The following RGMB variants were observed in gnomAD, a reference collection of about 807,000 sequenced individuals.
RGMB encodes the protein repulsive guidance molecule BMP co-receptor b.
RGMB carries 16 observed loss-of-function variants against 26.9 expected under a neutral mutation model. That is an observed-to-expected ratio of 0.60 (90% CI 0.40 to 0.90). RGMB has a LOEUF of 0.90. Among genes scored for constraint, RGMB ranks in the 40% least tolerant of loss-of-function variants. The probability of loss-of-function intolerance (pLI) is 0.00; values close to 1 mark genes in which losing one functional copy is unlikely to be tolerated. For missense variants in RGMB, 512 were observed against 573.3 expected, an observed-to-expected ratio of 0.89 and a Z score of 1.09; for synonymous variants, 225 against 229.3, an observed-to-expected ratio of 0.98 and a Z score of 0.17.
chr5:98,789,608 C>G (rs2071428958), intron 2 of RGMB, among the ~76,000 whole-genome samples: 4 of 152,048 alleles, frequency 2.6e-5, no homozygotes, highest in Admixed American at 1.3e-4. Context: ...CTTTCTCTTC[C>G]TAATAAACCT....
chr5:98,774,259 C>G (rs1044617967), intron 1 of RGMB, 53 bp downstream of exon 1: 2 of 1,339,660 alleles, frequency 1.5e-6, no homozygotes, highest in Non-Finnish European at 1.9e-6. Context: ...GGCTTTGTTC[C>G]CAAATAGCCC....
chr5:98,793,960 T>G lies in RGMB; in HGVS notation c.*207T>G. On this transcript the variant is annotated 3_prime_UTR_variant, in exon 3 of 3. Transcript: ENST00000513185. Reference sequence around the variant, plus strand: ...GTAGTGTTCTTTGATTGTATCAATTTTGTTTTGCAGTTCTGTGAAATGTTT... The same window carrying G: ...GTAGTGTTCTTTGATTGTATCAATTGTGTTTTGCAGTTCTGTGAAATGTTT... The G allele has an allele frequency of 2.0e-6, 1 of 488,688 alleles. No individual in the cohort carries two copies. The highest frequency in any genetic ancestry group is 3.5e-6 in the Non-Finnish European group (1 of 282,208). 30.3% of individuals were successfully genotyped at this position (488,688 alleles called of 1,614,324 possible).
chr5:98,770,705 C>T (rs188168527), upstream of RGMB: 210 of 1,362,738 alleles, frequency 1.5e-4, no homozygotes, highest in African/African-American at 3.0e-3. Context: ...CTCAAGTCGC[C>T]CGCTTGGCCC....
rs904179001 is a variant in RGMB, at chr5:98,796,346, C to G, written c.*2593C>G. ...GTTATGCTTGGAAGCTCCCCCCCCC[C>G]CAACAGTGTGTCGAGTCTTTGCAAA... is the stretch of plus-strand genomic sequence containing the variant. On this transcript the variant is annotated 3_prime_UTR_variant, in exon 3 of 3. Transcript: ENST00000513185. 1.4e-5 allele frequency: 2 copies of G among 145,318 alleles called. 1 individual carries two copies. The highest frequency in any genetic ancestry group is 3.0e-5 in the Non-Finnish European group (2 of 66,156). 9.0% of individuals were successfully genotyped at this position (145,318 alleles called of 1,614,324 possible). A position where few individuals can be genotyped will look rare whatever the true frequency, so the allele number is the denominator to read the frequency against.
At chr5:98,786,945 C>T (rs1221945575) in intron 2 of RGMB, among the ~76,000 whole-genome samples, 1 of 152,160 alleles carries the variant, frequency 6.6e-6, no homozygotes, top group Non-Finnish European at 1.5e-5. Context: ...TGTTGGGACA[C>T]AGCATGTATA....
rs544116948 is a variant in RGMB, at chr5:98,774,087, C to T, written c.17C>T (p.Ala6Val). ...TGGACGGGCATGGGCTTGAGAGCAG[C>T]ACCTTCCAGCGCCGCCGCTGCCGCC... is the stretch of plus-strand genomic sequence containing the variant. The part of the protein sequence containing the change: MGLRA[A>V]PSSAAAAAAE... Residue 6 changes from alanine to valine, a missense_variant, in exon 1 of 3, where the codon GCA (alanine) becomes GTA (valine). By Grantham distance (64) the Ala-to-Val change is moderately conservative. Coordinates refer to ENST00000513185, the MANE Select transcript of RGMB (RefSeq NM_001366508.1). The T allele has an allele frequency of 7.8e-5, 88 of 1,129,002 alleles. No individual in the cohort carries two copies. In the African/African-American group the frequency reaches 1.3e-3, roughly 17 times the overall value. 69.9% of individuals were successfully genotyped at this position (1,129,002 alleles called of 1,614,324 possible).
rs1747016053 is a variant in RGMB at position 98,793,633 on chromosome 5, G to A, written c.1194G>A (p.Leu398=). ...AHSALEDVEA[L]HPRKERWHIF... is the part of the protein sequence containing the mutation. ...GTGCCTTGGAGGATGTGGAGGCCCTGCACCCAAGGAAGGAACGCTGGCACA... is the reference window on the plus strand; with the variant it reads ...GTGCCTTGGAGGATGTGGAGGCCCTACACCCAAGGAAGGAACGCTGGCACA... Residue 398 remains leucine (L), a synonymous_variant, in exon 3 of 3, where the codon CTG becomes CTA. Transcript: ENST00000513185. The A allele has an allele frequency of 6.2e-7, 1 of 1,613,914 alleles. No homozygotes were observed. The highest frequency in any genetic ancestry group is 1.7e-5 in the Admixed American group (1 of 60,010).
intron 1 of RGMB, among the ~76,000 whole-genome samples, chr5:98,777,338 C>T (rs1310514364): frequency 6.6e-6 from 1 of 152,234 alleles, no homozygotes; most frequent in Non-Finnish European, 1.5e-5. Flanking sequence ...GTCATTTATC[C>T]GTAGTCTTAA....
In RGMB at chr5:98,774,163, G is replaced by A; in HGVS notation, c.93G>A (p.Glu31=). The A allele has an allele frequency of 8.5e-7, 1 of 1,181,252 alleles. No individual in the cohort carries two copies. The highest frequency in any genetic ancestry group is 1.5e-5 in the South Asian group (1 of 64,932). The allele number at this position is 1,181,252 out of a possible 1,614,324, so 73.2% of individuals were successfully genotyped here. The stretch of plus-strand genomic sequence containing the variant: ...CCGGGCTCTGCCCCCCGCCGCTGGA[G>A]CTGCTGCTGCTGCTGCTGTTCAGCC... ...RSPGLCPPPL[E]LLLLLLFSLG... Residue 31 remains glutamate, a synonymous_variant, in exon 1 of 3, where the codon GAG becomes GAA. Coordinates refer to ENST00000513185, the MANE Select transcript of RGMB (RefSeq NM_001366508.1).
chr5:98,792,915 T>C, intron 2 of RGMB, 170 bp from the exon 3 acceptor site: 1 of 543,016 alleles, frequency 1.8e-6, no homozygotes, highest in Non-Finnish European at 3.2e-6. Flanking sequence ...CTTTAAAAAA[T>C]ATTTTCTGAA....
intron 2 of RGMB, chr5:98,780,998 C>G (rs56703356): frequency 6.6e-6 from 1 of 152,144 alleles, no homozygotes; most frequent in Non-Finnish European, 1.5e-5. Flanking sequence ...CACACATAGA[C>G]CATCTCATCT....
upstream of RGMB, chr5:98,770,677 A>C (rs758947840): frequency 2.7e-6 from 4 of 1,461,332 alleles, no homozygotes; most frequent in Non-Finnish European, 3.6e-6. Context: ...GAATGATGTA[A>C]GTACAGGCAC....
At chr5:98,773,660 C>A (rs956324703), upstream of RGMB, 10 of 340,910 alleles carry the variant, frequency 2.9e-5, no homozygotes, top group East Asian at 9.0e-5. Flanking sequence ...CGGGGGCTGC[C>A]GCGCAGAGAT....
At chr5:98,783,686 T>A (rs185721281) in intron 2 of RGMB, among the ~76,000 whole-genome samples, 75 of 152,348 alleles carry the variant, frequency 4.9e-4, no homozygotes, top group Middle Eastern at 6.8e-3. Flanking sequence ...AGAAGGTGAT[T>A]GGGGAATAAA....
Position 98,793,406 on chromosome 5 carries a change from G to A in RGMB, c.967G>A (p.Asp323Asn), listed in dbSNP as rs779299938. 56 of 1,612,776 alleles carry A rather than the reference G, an allele frequency of 3.5e-5. No homozygotes were observed. The Admixed American group carries it at 6.7e-4, about 19-fold the overall frequency. Residue 323 changes from aspartate to asparagine, a missense_variant, in exon 3 of 3, where the codon GAT (aspartate) becomes AAT (asparagine). By Grantham distance (23) the Asp-to-Asn change is conservative. Transcript: ENST00000513185. ...CGGCTGCCCCCTGAGTGAACGCATC[G>A]ATGACGGGCAGGGCCAGGTGTCTGC... The part of the protein sequence containing the change: ...VNGCPLSERI[D>N]DGQGQVSAIL...
Position 98,774,004 on chromosome 5 carries a change from GC to G in RGMB, c.-64del. The G allele has an allele frequency of 1.6e-6, 1 of 638,660 alleles. No individual in the cohort carries two copies. Among genetic ancestry groups the G allele is most frequent in the South Asian group, 1.7e-5 (1 of 58,650 alleles). 39.6% of individuals were successfully genotyped at this position (638,660 alleles called of 1,614,324 possible). A position where few individuals can be genotyped will look rare whatever the true frequency, so the allele number is the denominator to read the frequency against. On this transcript the variant is annotated 5_prime_UTR_variant, in exon 1 of 3. Coordinates refer to ENST00000513185, the MANE Select transcript of RGMB (RefSeq NM_001366508.1). Reference sequence around the variant, plus strand: ...CCCCCGGCCCATGCCGCAGCCACGGGCCCAGACCCGCCACGGCGCCCGCGCC... The same window carrying G: ...CCCCCGGCCCATGCCGCAGCCACGGGCCAGACCCGCCACGGCGCCCGCGCC...
chr5:98,779,809 C>T lies in RGMB; in HGVS notation c.366C>T (p.Ser122=), dbSNP rs767753139. The T allele has an allele frequency of 6.2e-7, 1 of 1,614,022 alleles. No homozygotes were observed. The highest frequency in any genetic ancestry group is 1.1e-5 in the South Asian group (1 of 91,088). ...ISDLMSQRNC[S]KDGPTSSTNP... Reference sequence around the variant, plus strand: ...ACCTCATGAGCCAGAGGAATTGTTCCAAGGATGGACCCACATCCTCTACCA... The same window carrying T: ...ACCTCATGAGCCAGAGGAATTGTTCTAAGGATGGACCCACATCCTCTACCA... Residue 122 remains serine, a synonymous_variant, in exon 2 of 3, where the codon TCC becomes TCT. Coordinates refer to ENST00000513185, the MANE Select transcript of RGMB (RefSeq NM_001366508.1).
chr5:98,785,963 G>A (rs1746756451), intron 2 of RGMB, among the ~76,000 whole-genome samples: 2 of 152,194 alleles, frequency 1.3e-5, no homozygotes, highest in Non-Finnish European at 2.9e-5. Flanking sequence ...ATTGCCTGGA[G>A]GTGAAAAGGT....
chr5:98,782,203 C>G (rs1251987362), intron 2 of RGMB, among the ~76,000 whole-genome samples: 1 of 152,170 alleles, frequency 6.6e-6, no homozygotes, highest in Non-Finnish European at 1.5e-5. Context: ...CTCTCCAAAG[C>G]CCCATAAGCA....
Sources: allele counts gnomAD v4.1 joint callset (sites outside exome capture counted in the v4.1 genomes callset), GRCh38; gene constraint gnomAD v4.1.1; transcripts MANE v1.5; gene names NCBI Gene and HGNC (gene_info 2026-07-23, HGNC 2026-07-21).